The following MYPN variants were observed in gnomAD, a reference collection of about 807,000 sequenced individuals.
The protein encoded by MYPN is sarcomeric protein myopalladin, 145 kDa (MYOP).
Under a neutral mutation model 129.4 loss-of-function variants are expected in MYPN, and 63 were observed. The ratio of observed to expected loss-of-function variants is 0.49; its 90% CI spans 0.40 to 0.60. MYPN has a LOEUF of 0.60. Among genes scored for constraint, MYPN ranks in the 20% least tolerant of loss-of-function variants. The pLI is 0.00. For synonymous variants in MYPN, 629 were observed against 600.9 expected, an observed-to-expected ratio of 1.05 and a Z score of -0.68; for missense variants, 1,596 against 1,635.4, an observed-to-expected ratio of 0.98 and a Z score of 0.42.
At chr10:68,132,560 T>C (rs2134029146) in intron 2 of MYPN, among the ~76,000 whole-genome samples, 1 of 152,332 alleles carries the variant, frequency 6.6e-6, no homozygotes, top group African/African-American at 2.4e-5. Context: ...TGATTGGTAG[T>C]GGCATCCATT....
At chr10:68,197,631 G>A (rs2043633324) in intron 16 of MYPN, among the ~76,000 whole-genome samples, 153 bp downstream of exon 16, 1 of 151,410 alleles carries the variant, frequency 6.6e-6, no homozygotes, top group Non-Finnish European at 1.5e-5. Flanking sequence ...CATAAGGCTT[G>A]TTTGGAGTAT....
At chr10:68,112,136 C>G (rs1334708640) in intron 1 of MYPN, among the ~76,000 whole-genome samples, 5 of 152,158 alleles carry the variant, frequency 3.3e-5, no homozygotes, top group Non-Finnish European at 7.3e-5. Flanking sequence ...ATAAAACCTC[C>G]TATGCCTATC....
intron 1 of MYPN, among the ~76,000 whole-genome samples, chr10:68,098,017 G>A (rs2041964735): frequency 6.6e-6 from 1 of 152,138 alleles, no homozygotes; most frequent in Non-Finnish European, 1.5e-5. Context: ...AGGCCAAGGT[G>A]GGTGGATTGC....
chr10:68,106,532 C>G (rs1324494673), upstream of MYPN: 1 of 636,046 alleles, frequency 1.6e-6, no homozygotes, highest in Non-Finnish European at 2.8e-6. Context: ...TTCAAAAATA[C>G]GGCATAGAGG....
intron 2 of MYPN, among the ~76,000 whole-genome samples, chr10:68,134,495 T>A (rs10997941): frequency 6.6e-6 from 1 of 152,228 alleles, no homozygotes; most frequent in Non-Finnish European, 1.5e-5. Context: ...TCTTTTGTTA[T>A]ATCTAAAATA....
chr10:68,096,254 T>C (rs1424719428), intron 1 of MYPN, among the ~76,000 whole-genome samples: 3 of 152,172 alleles, frequency 2.0e-5, no homozygotes, highest in Non-Finnish European at 4.4e-5. Flanking sequence ...AACTCTTAAG[T>C]CAATTGTTCT....
intron 19 of MYPN, 139 bp from the exon 20 acceptor site, chr10:68,210,147 C>A: frequency 1.1e-6 from 1 of 895,710 alleles, no homozygotes; most frequent in Non-Finnish European, 1.7e-6. Flanking sequence ...ACAAACGAGG[C>A]AATTCAGACC....
At chr10:68,208,979 A>G (rs2134349416) in intron 19 of MYPN, among the ~76,000 whole-genome samples, 1 of 152,324 alleles carries the variant, frequency 6.6e-6, no homozygotes, top group South Asian at 2.1e-4. Flanking sequence ...CTCTTTAGTG[A>G]AACCGCTCTA....
intron 6 of MYPN, among the ~76,000 whole-genome samples, chr10:68,157,084 C>A (rs1182215497): frequency 6.6e-6 from 1 of 152,176 alleles, no homozygotes; most frequent in African/African-American, 2.4e-5. Context: ...TTATTATCTT[C>A]TAGAGTCTAA....
chr10:68,172,340 G>T (rs2043156845), intron 10 of MYPN, among the ~76,000 whole-genome samples: 1 of 152,130 alleles, frequency 6.6e-6, no homozygotes, highest in South Asian at 2.1e-4. Flanking sequence ...AGGTGACAGA[G>T]TAAGACTCTG....
chr10:68,184,196 A>T (rs1350189880), intron 12 of MYPN, among the ~76,000 whole-genome samples: 1 of 152,216 alleles, frequency 6.6e-6, no homozygotes, highest in African/African-American at 2.4e-5. Flanking sequence ...ATATCCTGAT[A>T]CAAAGCAAGC....
intron 18 of MYPN, among the ~76,000 whole-genome samples, chr10:68,202,682 C>A (rs898741505): frequency 2.4e-4 from 37 of 152,132 alleles, no homozygotes; most frequent in Non-Finnish European, 4.6e-4. Context: ...AGGGAAATGG[C>A]AATTTCTTTG....
In MYPN at chr10:68,122,337, T is replaced by G; in HGVS notation, c.899T>G (p.Val300Gly). 1 of 1,613,096 alleles carries G rather than the reference T, an allele frequency of 6.2e-7. No individual in the cohort carries two copies. The highest frequency in any genetic ancestry group is 1.1e-5 in the South Asian group (1 of 91,042). ...GTGGTAGGAATTCCACCACCTCAAG[T>G]AAGGTAAAAATGTCCCATTGGTAAT... is the stretch of plus-strand genomic sequence containing the variant. ...CIVVGIPPPQ[V>G]RWYCEGKELE... The change falls in exon 2 of 20, where the codon GTA (valine) becomes GGA (glycine). Residue 300 changes from valine (V) to glycine (G), a missense_variant. Coordinates refer to ENST00000358913, the MANE Select transcript of MYPN (RefSeq NM_032578.4).
chr10:68,178,263 T>G (rs2043258973), intron 12 of MYPN, among the ~76,000 whole-genome samples: 1 of 152,208 alleles, frequency 6.6e-6, no homozygotes, highest in Non-Finnish European at 1.5e-5. Context: ...GTCTTTGAGT[T>G]GGGGATGAGC....
At chr10:68,151,612 AC>A (rs2042772764) in intron 6 of MYPN, among the ~76,000 whole-genome samples, 1 of 152,176 alleles carries the variant, frequency 6.6e-6, no homozygotes, top group South Asian at 2.1e-4. Context: ...TGCCACAGAC[AC>A]TTTAATTTAT....
Position 68,211,566 on chromosome 10 carries a change from G to T in MYPN, c.*1111G>T. 2.2e-6 allele frequency: 1 copy of T among 454,102 alleles called. No homozygotes were observed. The highest frequency in any genetic ancestry group is 4.4e-6 in the Non-Finnish European group (1 of 226,792). 28.1% of individuals were successfully genotyped at this position (454,102 alleles called of 1,614,324 possible). Reference sequence around the variant, plus strand: ...GAAAAGTTGGGAGAAAGGGGAATATGCATCTTTATTCTAATCACCAATTCA... The same window carrying T: ...GAAAAGTTGGGAGAAAGGGGAATATTCATCTTTATTCTAATCACCAATTCA... On this transcript the variant is annotated 3_prime_UTR_variant, in exon 20 of 20. Transcript: ENST00000358913.
At chr10:68,131,506 G>A (rs2042411412) in intron 2 of MYPN, among the ~76,000 whole-genome samples, 1 of 152,062 alleles carries the variant, frequency 6.6e-6, no homozygotes, top group Non-Finnish European at 1.5e-5. Context: ...CATAGTCAAG[G>A]ACATGGTATA....
At chr10:68,089,207 T>A (rs894766108) in intron 1 of MYPN, among the ~76,000 whole-genome samples, 1 of 152,050 alleles carries the variant, frequency 6.6e-6, no homozygotes, top group East Asian at 1.9e-4. Context: ...AATTTTTGTA[T>A]TTTTAGTAGA....
Position 68,210,298 on chromosome 10 carries a change from A to G in MYPN, c.3806A>G (p.His1269Arg). ...GTCCATTTTCCAGCTCAGTGGCACC[A>G]TCAGATCCCACCGCCCATGTCTGTC... ...ARLDIYAQWH[H>R]QIPPPMSVRP... Residue 1269 changes from histidine to arginine, a missense_variant, in exon 20 of 20, where the codon CAT becomes CGT. Transcript: ENST00000358913. 3 of 1,613,616 alleles carry G rather than the reference A, an allele frequency of 1.9e-6. No homozygotes were observed. The highest frequency in any genetic ancestry group is 2.5e-6 in the Non-Finnish European group (3 of 1,180,028).
Sources: gnomAD v4.1 joint callset for allele counts (sites outside exome capture counted in the v4.1 genomes callset) on GRCh38, gnomAD v4.1.1 for gene constraint, MANE v1.5 for transcripts, NCBI Gene and HGNC (gene_info 2026-07-23, HGNC 2026-07-21) for gene names.